DNER: variants seen among roughly 807,000 people sequenced by gnomAD.
DNER encodes the protein delta/notch like EGF repeat containing.
DNER carries 33 observed loss-of-function variants against 78.2 expected under a neutral mutation model. The ratio of observed to expected loss-of-function variants is 0.42; its 90% CI spans 0.32 to 0.56. The LOEUF is 0.56. Among genes scored for constraint, DNER ranks in the 20% least tolerant of loss-of-function variants. The pLI is 0.11. For missense variants in DNER, 918 were observed against 975.3 expected, an observed-to-expected ratio of 0.94 and a Z score of 0.78; for synonymous variants, 417 against 384.8, an observed-to-expected ratio of 1.08 and a Z score of -0.98.
intron 11 of DNER, among the ~76,000 whole-genome samples, chr2:229,384,979 A>G (rs1692830633): frequency 6.6e-6 from 1 of 152,078 alleles, no homozygotes; most frequent in Non-Finnish European, 1.5e-5. Context: ...TCAGGCCAAG[A>G]TCCCTGATAA....
intron 1 of DNER, among the ~76,000 whole-genome samples, chr2:229,612,606 G>A (rs1245261650): frequency 2.0e-5 from 3 of 152,200 alleles, no homozygotes; most frequent in Admixed American, 6.5e-5. Context: ...GCCTCGCTGC[G>A]GACACAAAGC....
At chr2:229,611,926 T>C (rs757762504) in intron 1 of DNER, among the ~76,000 whole-genome samples, 1 of 152,232 alleles carries the variant, frequency 6.6e-6, no homozygotes, top group Admixed American at 6.5e-5. Context: ...TTCTTCGATA[T>C]GCAGGTAAGG....
chr2:229,395,994 C>T (rs1392881374), intron 10 of DNER, among the ~76,000 whole-genome samples: 1 of 152,120 alleles, frequency 6.6e-6, no homozygotes, highest in Non-Finnish European at 1.5e-5. Flanking sequence ...TTTCAGATAA[C>T]AATGGCAGCC....
chr2:229,412,346 TGTTAAACA>T (rs924744201), intron 9 of DNER, among the ~76,000 whole-genome samples: 1 of 152,238 alleles, frequency 6.6e-6, no homozygotes, highest in African/African-American at 2.4e-5. Flanking sequence ...TTAATTCATG[TGTTAAACA>T]GTAGTTCTAA....
At chr2:229,610,845 C>A (rs527894475) in intron 1 of DNER, among the ~76,000 whole-genome samples, 2 of 152,356 alleles carry the variant, frequency 1.3e-5, no homozygotes, top group East Asian at 3.9e-4. Context: ...AGTTCCCAAA[C>A]TGTGTGCCAA....
At position 229,512,827 on chromosome 2, in the gene DNER, T is replaced by C. The variant is rs746678179; in HGVS notation, c.1103A>G (p.Asn368Ser). ...CQNNASCIDANEKQDGSNFTC... is the reference protein window; with the variant it reads ...CQNNASCIDASEKQDGSNFTC... ...GAAATTGCTCCCATCTTGCTTTTCA[T>C]TTGCATCAATACAGCTCGCGTTGTT... Residue 368 changes from asparagine (N) to serine (S), a missense_variant, in exon 6 of 13, where the codon AAT becomes AGT. By Grantham distance (46) the Asn-to-Ser change is conservative. Coordinates refer to ENST00000341772, the MANE Select transcript of DNER (RefSeq NM_139072.4). 6.2e-7 allele frequency: 1 copy of C among 1,614,088 alleles called. No individual in the cohort carries two copies. Among genetic ancestry groups the C allele is most frequent in the Non-Finnish European group, 8.5e-7 (1 of 1,180,026 alleles).
At chr2:229,640,086 A>C (rs1447230993) in intron 1 of DNER, among the ~76,000 whole-genome samples, 1 of 152,244 alleles carries the variant, frequency 6.6e-6, no homozygotes, top group Non-Finnish European at 1.5e-5. Flanking sequence ...TTACAGGAGT[A>C]CTTGTCCTTG....
chr2:229,632,314 G>T (rs1698445127), intron 1 of DNER, among the ~76,000 whole-genome samples: 1 of 152,150 alleles, frequency 6.6e-6, no homozygotes, highest in South Asian at 2.1e-4. Context: ...TTGAGTAGGA[G>T]ACTCTGACAC....
At chr2:229,542,914 C>T (rs1696544858) in intron 5 of DNER, among the ~76,000 whole-genome samples, 1 of 152,062 alleles carries the variant, frequency 6.6e-6, no homozygotes, top group African/African-American at 2.4e-5. Context: ...GTGGTCATTC[C>T]AGCCTAATCA....
chr2:229,407,889 A>T (rs1693422073), intron 9 of DNER, among the ~76,000 whole-genome samples: 2 of 152,178 alleles, frequency 1.3e-5, no homozygotes, highest in Non-Finnish European at 2.9e-5. Context: ...ACTATGAGAC[A>T]ATTATCCTTA....
At chr2:229,630,430 G>A (rs1698412768) in intron 1 of DNER, among the ~76,000 whole-genome samples, 1 of 151,048 alleles carries the variant, frequency 6.6e-6, no homozygotes. Context: ...GAGCCGAGAT[G>A]GTGTCACTGC....
chr2:229,604,628 T>C (rs746590974), intron 1 of DNER, among the ~76,000 whole-genome samples: 10 of 152,158 alleles, frequency 6.6e-5, no homozygotes, highest in Non-Finnish European at 1.2e-4. Context: ...CTTGACTGCT[T>C]TGATGTGTGT....
At chr2:229,583,846 G>C (rs10206481) in intron 4 of DNER, among the ~76,000 whole-genome samples, 9,127 of 152,210 alleles carry the variant, frequency 0.06, 439 homozygotes, top group African/African-American at 0.13. Context: ...CATTCATCCT[G>C]ATAGTCAAAC....
chr2:229,477,353 A>G, intron 6 of DNER, 100 bp from the exon 7 acceptor site: 2 of 706,102 alleles, frequency 2.8e-6, no homozygotes, highest in Non-Finnish European at 2.3e-6. Flanking sequence ...TGCCCAGTGA[A>G]GGCAGTGGCA....
At chr2:229,606,915 A>C (rs35617558) in intron 1 of DNER, among the ~76,000 whole-genome samples, 2,754 of 152,138 alleles carry the variant, frequency 0.018, 79 homozygotes, top group African/African-American at 0.062. Flanking sequence ...ACCACCAACA[A>C]CAACAACAAC....
At chr2:229,584,672 T>A (rs1697465732) in intron 4 of DNER, among the ~76,000 whole-genome samples, 1 of 152,092 alleles carries the variant, frequency 6.6e-6, no homozygotes, top group African/African-American at 2.4e-5. Flanking sequence ...CTAATTAGCC[T>A]GTAATCCCAG....
intron 10 of DNER, among the ~76,000 whole-genome samples, chr2:229,398,807 C>G (rs1384010566): frequency 6.6e-6 from 1 of 151,838 alleles, no homozygotes; most frequent in Non-Finnish European, 1.5e-5. Flanking sequence ...GAAAATCAAC[C>G]AAGCATATTA....
chr2:229,461,867 G>A (rs1232625046), intron 7 of DNER, among the ~76,000 whole-genome samples: 1 of 152,016 alleles, frequency 6.6e-6, no homozygotes, highest in Non-Finnish European at 1.5e-5. Context: ...ATCTTGGAAA[G>A]AAAACACAAC....
intron 7 of DNER, among the ~76,000 whole-genome samples, chr2:229,475,088 G>A (rs1285881614): frequency 6.6e-6 from 1 of 152,182 alleles, no homozygotes; most frequent in Non-Finnish European, 1.5e-5. Flanking sequence ...ACTTAGCCAG[G>A]CACTGTGCTA....
Sources: allele counts gnomAD v4.1 joint callset (sites outside exome capture counted in the v4.1 genomes callset), GRCh38; gene constraint gnomAD v4.1.1; transcripts MANE v1.5; gene names NCBI Gene and HGNC (gene_info 2026-07-23, HGNC 2026-07-21).